The following RHBDL3 variants were observed in gnomAD, a reference collection of about 807,000 sequenced individuals.
The protein encoded by RHBDL3 is rhomboid-related protein 3.
Under a neutral mutation model 48.2 loss-of-function variants are expected in RHBDL3, and 28 were observed. The observed-to-expected ratio is 0.58, with a 90% confidence interval of 0.43 to 0.80. The LOEUF is 0.80. RHBDL3 is among the 30% of genes least tolerant of loss of function. RHBDL3 has a pLI of 0.00. For synonymous variants in RHBDL3, 208 were observed against 232.3 expected (o/e 0.90, Z 0.95); for missense variants, 464 against 542.7 (o/e 0.85, Z 1.44).
intron 2 of RHBDL3, among the ~76,000 whole-genome samples, chr17:32,271,128 A>G (rs2039763970): frequency 6.6e-6 from 1 of 152,200 alleles, no homozygotes; most frequent in South Asian, 2.1e-4. Context: ...CTGTTGATTC[A>G]GACCTGAGAT....
In RHBDL3 at chr17:32,266,282, G is replaced by A; in HGVS notation, c.93G>A (p.Leu31=). 1 of 1,466,446 alleles carries A rather than the reference G, an allele frequency of 6.8e-7. No individual in the cohort carries two copies. Among genetic ancestry groups the A allele is most frequent in the Admixed American group, 2.4e-5 (1 of 40,964 alleles). The allele number at this position is 1,466,446 out of a possible 1,614,324, so 90.8% of individuals were successfully genotyped here. A position where few individuals can be genotyped will look rare whatever the true frequency, so the allele number is the denominator to read the frequency against. ...TGGAACCCGAGGCCGAGGAGCGGCTGCCCGCGGCGCCGGAGGACGTGAGTG... is the reference window on the plus strand; with the variant it reads ...TGGAACCCGAGGCCGAGGAGCGGCTACCCGCGGCGCCGGAGGACGTGAGTG... ...EELEPEAEER[L]PAAPEDHWKV... The change falls in exon 1 of 9, where the codon CTG becomes CTA. Residue 31 remains leucine, a synonymous_variant. Transcript: ENST00000269051.
chr17:32,277,605 C>A (rs529120392), intron 2 of RHBDL3, among the ~76,000 whole-genome samples: 7 of 152,226 alleles, frequency 4.6e-5, no homozygotes, highest in Admixed American at 4.6e-4. Flanking sequence ...GGCCTGGAGC[C>A]CACAGACTTC....
chr17:32,319,110 G>A (rs935176529), intron 8 of RHBDL3, among the ~76,000 whole-genome samples: 5 of 151,166 alleles, frequency 3.3e-5, no homozygotes, highest in African/African-American at 9.7e-5. Context: ...AGAGAAGCAC[G>A]AGTCTTGTTG....
rs1023737467 is a variant in RHBDL3, at chr17:32,324,612, ATAT to A, written c.*3388_*3390del. ...ACATTCTGTATATTTTTGTTGTAAC[ATAT>A]TATTTGAGCACAGATTCCATTAAAT... is the stretch of plus-strand genomic sequence containing the variant. On this transcript the variant is annotated 3_prime_UTR_variant, in exon 9 of 9. Transcript: ENST00000269051. 3.9e-5 allele frequency: 6 copies of A among 152,330 alleles called. No individual in the cohort carries two copies. Among genetic ancestry groups the A allele is most frequent in the African/African-American group, 1.4e-4 (6 of 41,438 alleles). 9.4% of individuals were successfully genotyped at this position (152,330 alleles called of 1,614,324 possible). A position where few individuals can be genotyped will look rare whatever the true frequency, so the allele number is the denominator to read the frequency against.
chr17:32,301,676 C>T (rs1412715520), intron 6 of RHBDL3, among the ~76,000 whole-genome samples: 1 of 151,980 alleles, frequency 6.6e-6, no homozygotes, highest in Non-Finnish European at 1.5e-5. Flanking sequence ...CAAAAATTAG[C>T]TGGGCATGAT....
At chr17:32,320,806 G>A (rs774287502) in intron 8 of RHBDL3, 152 bp from the exon 9 acceptor site, 48 of 615,994 alleles carry the variant, frequency 7.8e-5, no homozygotes, top group Non-Finnish European at 1.3e-4. Context: ...GGAGAACAGA[G>A]ATTTGCCTGC....
At chr17:32,318,967 A>G (rs2041040920) in intron 8 of RHBDL3, among the ~76,000 whole-genome samples, 1 of 152,112 alleles carries the variant, frequency 6.6e-6, no homozygotes, top group South Asian at 2.1e-4. Context: ...CTCTCATCCC[A>G]GGAAGGAACT....
chr17:32,294,240 G>A, intron 4 of RHBDL3, 54 bp from the exon 5 acceptor site: 1 of 1,542,496 alleles, frequency 6.5e-7, no homozygotes, highest in Admixed American at 1.8e-5. Flanking sequence ...CAGCACAACA[G>A]GAAGTTTCCT....
intron 2 of RHBDL3, chr17:32,280,471 CT>C (rs1446417177): frequency 6.6e-6 from 1 of 152,196 alleles, no homozygotes; most frequent in African/African-American, 2.4e-5. Flanking sequence ...CCCAGTCCTC[CT>C]TAAGCAGGCT....
intron 8 of RHBDL3, among the ~76,000 whole-genome samples, chr17:32,318,967 AG>A (rs1473282576): frequency 3.3e-5 from 5 of 152,112 alleles, no homozygotes; most frequent in African/African-American, 9.7e-5. Flanking sequence ...CTCTCATCCC[AG>A]GAAGGAACTT....
chr17:32,293,243 T>G (rs984849148), intron 4 of RHBDL3, among the ~76,000 whole-genome samples: 1 of 151,996 alleles, frequency 6.6e-6, no homozygotes, highest in Non-Finnish European at 1.5e-5. Context: ...TGTGGATGGA[T>G]AGTAGTGATG....
At chr17:32,314,623 C>T (rs78235858) in intron 7 of RHBDL3, among the ~76,000 whole-genome samples, 4,885 of 152,274 alleles carry the variant, frequency 0.032, 110 homozygotes, top group Non-Finnish European at 0.051. Context: ...CACCCCATCA[C>T]GTGGGCTGGA....
intron 8 of RHBDL3, 31 bp from the exon 9 acceptor site, chr17:32,320,927 T>G: frequency 6.4e-7 from 1 of 1,571,424 alleles, no homozygotes; most frequent in South Asian, 1.1e-5. Context: ...AGGGCCCTCC[T>G]GTGACATCTC....
At position 32,267,940 on chromosome 17, in the gene RHBDL3, A is replaced by G; in HGVS notation, c.135+15A>G. 5 of 1,591,952 alleles carry G rather than the reference A, an allele frequency of 3.1e-6. No homozygotes were observed. The highest frequency in any genetic ancestry group is 4.3e-6 in the Non-Finnish European group (5 of 1,159,976). ...TGTTTGATCAGGTATGTGAGCAGTT[A>G]ACCCCCCATTTCCTTCCAGCCCTCC... On this transcript the variant is annotated intron_variant, in intron 2 of 8. Coordinates refer to ENST00000269051, the MANE Select transcript of RHBDL3 (RefSeq NM_138328.3).
chr17:32,266,352 A>G, intron 1 of RHBDL3, 52 bp downstream of exon 1: 1 of 994,900 alleles, frequency 1.0e-6, no homozygotes, highest in Non-Finnish European at 1.4e-6. Context: ...CCGGGGGGAA[A>G]AGCCGCCCCT....
intron 8 of RHBDL3, among the ~76,000 whole-genome samples, 200 bp downstream of exon 8, chr17:32,316,492 T>G (rs1597695050): frequency 6.6e-6 from 1 of 151,936 alleles, no homozygotes; most frequent in East Asian, 1.9e-4. Flanking sequence ...TTTTATTTAT[T>G]TATCTATTTT....
chr17:32,271,060 TAAAG>T (rs1307316883), intron 2 of RHBDL3, among the ~76,000 whole-genome samples: 1 of 152,154 alleles, frequency 6.6e-6, no homozygotes, highest in African/African-American at 2.4e-5. Context: ...AAAAATTTGT[TAAAG>T]AAAAAAGTCT....
chr17:32,267,137 A>C (rs2039651896), intron 1 of RHBDL3, among the ~76,000 whole-genome samples: 1 of 152,112 alleles, frequency 6.6e-6, no homozygotes, highest in African/African-American at 2.4e-5. Context: ...ATGGAAGTGA[A>C]ACCAGGCCCC....
chr17:32,296,270 A>G (rs1299382094), intron 5 of RHBDL3, among the ~76,000 whole-genome samples: 1 of 151,230 alleles, frequency 6.6e-6, no homozygotes, highest in Non-Finnish European at 1.5e-5. Context: ...AAAAAAGAAA[A>G]AAAACAGAAA....
Sources: allele counts gnomAD v4.1 joint callset (sites outside exome capture counted in the v4.1 genomes callset), GRCh38; gene constraint gnomAD v4.1.1; transcripts MANE v1.5; gene names NCBI Gene and HGNC (gene_info 2026-07-23, HGNC 2026-07-21).